The following SCRIB variants were observed in gnomAD, a reference collection of about 807,000 sequenced individuals.
SCRIB encodes scribble planar cell polarity protein.
In SCRIB, 72 loss-of-function variants were observed where a neutral mutation model predicts 170.0. The observed-to-expected ratio is 0.42, with a 90% CI of 0.35 to 0.52. The LOEUF (loss-of-function observed/expected upper bound fraction) is 0.52, where lower values mean the gene tolerates loss of function less well. Ranked by LOEUF, SCRIB falls within the 20% of genes least tolerant of loss-of-function variation. SCRIB has a pLI of 0.02. For missense variants in SCRIB, 2,475 were observed against 2,338.5 expected (o/e 1.06, Z -1.20); for synonymous variants, 1,298 against 1,044.3 (o/e 1.24, Z -4.68).
chr8:143,811,204 G>C lies in SCRIB; in HGVS notation c.1048C>G (p.Leu350Val). The C allele has an allele frequency of 6.2e-7, 1 of 1,611,514 alleles. No individual in the cohort carries two copies. The highest frequency in any genetic ancestry group is 8.5e-7 in the Non-Finnish European group (1 of 1,179,376). The change falls in exon 10 of 37, where the codon CTG (leucine) becomes GTG (valine). Residue 350 changes from leucine to valine, a missense_variant. Leu to Val is a conservative substitution (Grantham distance 32, BLOSUM62 1). Around this residue, in one of 3 missense-constraint regions of SCRIB, gnomAD observed 487 missense variants for 558.1 expected, o/e 0.87. Coordinates refer to ENST00000356994, the MANE Select transcript of SCRIB (RefSeq NM_182706.5). The part of the protein sequence containing the change: ...LSLRDNRLAV[L>V]PPELAHTTEL... Reference sequence around the variant, plus strand: ...GTCGTGTGGGCCAGCTCTGGTGGCAGGACGGCCAGGCGGTTGTCCCTCAAG... The same window carrying C: ...GTCGTGTGGGCCAGCTCTGGTGGCACGACGGCCAGGCGGTTGTCCCTCAAG...
chr8:143,792,786 C>A lies in SCRIB; in HGVS notation c.4099G>T (p.Val1367Leu). ...TTAGGGGGGCCCTCGGCCTGGGGCA[C>A]GCGCACCTCCAGCTCAAAGTACTTC... is the stretch of plus-strand genomic sequence containing the variant. ...RQKYFELEVRVPQAEGPPKRV... is the reference protein window; with the variant it reads ...RQKYFELEVRLPQAEGPPKRV... Residue 1367 changes from valine to leucine, a missense_variant, in exon 30 of 37, where the codon GTG becomes TTG. Transcript: ENST00000356994. The A allele has an allele frequency of 6.3e-7, 1 of 1,579,010 alleles. No individual in the cohort carries two copies. Among genetic ancestry groups the A allele is most frequent in the South Asian group, 1.2e-5 (1 of 86,224 alleles).
rs376855874 is a variant in SCRIB at position 143,804,971 on chromosome 8, C to A, written c.2714G>T (p.Arg905Leu). The A allele has an allele frequency of 6.3e-6, 10 of 1,582,820 alleles. No homozygotes were observed. In the African/African-American group the frequency reaches 6.7e-5, roughly 11 times the overall value. The change falls in exon 20 of 37, where the codon CGC (arginine) becomes CTC (leucine). Residue 905 changes from arginine (R) to leucine (L), a missense_variant. Physicochemically the swap from Arg to Leu is moderately radical, Grantham distance 102 (BLOSUM62 -2). Around this residue, in one of 3 missense-constraint regions of SCRIB, gnomAD observed 1,966 missense variants for 1,742.9 expected, o/e 1.13. Coordinates refer to ENST00000356994, the MANE Select transcript of SCRIB (RefSeq NM_182706.5). ...SRIAEGGAAH[R>L]AGTLQVGDRV... ...GTCGCCAACCTGCAGTGTGCCCGCG[C>A]GGTGAGCAGCACCGCCCTCGGCAAT...
At position 143,793,464 on chromosome 8, in the gene SCRIB, G is replaced by A. The variant is rs1043404496; in HGVS notation, c.3910-381C>T. On this transcript the variant is annotated intron_variant, in intron 28 of 36. Transcript: ENST00000356994. ...GAGAGAGACCGACCAACCTGGGTGG[G>A]GCTGACATCTTGCCTGTGAGGGGCT... 2.4e-5 allele frequency: 7 copies of A among 297,536 alleles called. No individual in the cohort carries two copies. In the Admixed American group the frequency reaches 3.3e-4, roughly 14 times the overall value. The allele number at this position is 297,536 out of a possible 1,614,324, so 18.4% of individuals were successfully genotyped here. A position where few individuals can be genotyped will look rare whatever the true frequency, so the allele number is the denominator to read the frequency against.
chr8:143,803,679 C>A lies in SCRIB; in HGVS notation c.3382G>T (p.Asp1128Tyr). Residue 1128 changes from aspartate to tyrosine, a missense_variant, in exon 23 of 37, where the codon GAC (aspartate) becomes TAC (tyrosine). Coordinates refer to ENST00000356994, the MANE Select transcript of SCRIB (RefSeq NM_182706.5). ...ATGAAGATGCCCTCGTCTGTGGGGT[C>A]GCGGGGGTTGCCAGCGTGGCCCCTG... ...GARGHAGNPR[D>Y]PTDEGIFISK... 1 of 1,574,068 alleles carries A rather than the reference C, an allele frequency of 6.4e-7. No individual in the cohort carries two copies.
At position 143,809,024 on chromosome 8, in the gene SCRIB, G is replaced by A; in HGVS notation, c.1700C>T (p.Pro567Leu). The A allele has an allele frequency of 6.2e-7, 1 of 1,609,024 alleles. No homozygotes were observed. The highest frequency in any genetic ancestry group is 8.5e-7 in the Non-Finnish European group (1 of 1,177,880). ...TGCGTCCTCTGCGAAATGCACCGTG[G>A]GCTGTGCGGACAAAAGGGTGAGGGT... ...EEDAEEDYQE[P>L]TVHFAEDALL... The change falls in exon 15 of 37, where the codon CCC becomes CTC. Residue 567 changes from proline (P) to leucine (L), a missense_variant and splice_region_variant. This residue lies in a region of SCRIB where 1,966 missense variants were observed against 1,742.9 expected (regional missense o/e 1.13). Coordinates refer to ENST00000356994, the MANE Select transcript of SCRIB (RefSeq NM_182706.5).
At position 143,793,888 on chromosome 8, in the gene SCRIB, T is replaced by C; in HGVS notation, c.3909+12A>G. On this transcript the variant is annotated intron_variant, in intron 28 of 36. Transcript: ENST00000356994. ...CCACCATGGGGCACACCCGTTAACT[T>C]GGGACACTCACCTGCTGGCCACTAG... The C allele has an allele frequency of 3.7e-6, 6 of 1,612,750 alleles. No individual in the cohort carries two copies. Among genetic ancestry groups the C allele is most frequent in the Non-Finnish European group, 5.1e-6 (6 of 1,179,308 alleles).
chr8:143,791,241 G>T lies in SCRIB; in HGVS notation c.4890C>A (p.Gly1630=). Residue 1630 remains glycine, a synonymous_variant, in exon 37 of 37, where the codon GGC becomes GGA. Coordinates refer to ENST00000356994, the MANE Select transcript of SCRIB (RefSeq NM_182706.5). The stretch of plus-strand genomic sequence containing the variant: ...TGCTGCACAGTGCCACATCTTCAGG[G>T]CCCACAGCGCCGGGTGAGGGCCTGC... ...LLGRPSPGAV[G]PEDVALCSSR... is the part of the protein sequence containing the mutation. The T allele has an allele frequency of 5.4e-6, 8 of 1,492,196 alleles. No individual in the cohort carries two copies. Among genetic ancestry groups the T allele is most frequent in the Non-Finnish European group, 6.2e-6 (7 of 1,120,188 alleles). The allele number at this position is 1,492,196 out of a possible 1,614,324, so 92.4% of individuals were successfully genotyped here. A position where few individuals can be genotyped will look rare whatever the true frequency, so the allele number is the denominator to read the frequency against.
intron 1 of SCRIB, 99 bp from the exon 2 acceptor site, chr8:143,814,217 C>T (rs376401130): frequency 1.0e-6 from 1 of 985,194 alleles, no homozygotes; most frequent in Non-Finnish European, 1.5e-6. Flanking sequence ...GTCCCTAGGC[C>T]TCTGTCTGCT....
Position 143,815,584 on chromosome 8 carries a change from C to A in SCRIB, c.-212G>T. ...TGCGGGCCTGGGCAGGGGGCGCGGC[C>A]CGGCGGGTCTCAGACTCTTAGGAAG... On this transcript the variant is annotated 5_prime_UTR_variant, in exon 1 of 37. Transcript: ENST00000356994. 1 of 981,828 alleles carries A rather than the reference C, an allele frequency of 1.0e-6. No homozygotes were observed. The highest frequency in any genetic ancestry group is 1.2e-6 in the Non-Finnish European group (1 of 828,452). The allele number at this position is 981,828 out of a possible 1,614,324, so 60.8% of individuals were successfully genotyped here. A position where few individuals can be genotyped will look rare whatever the true frequency, so the allele number is the denominator to read the frequency against.
Position 143,804,527 on chromosome 8 carries a change from C to G in SCRIB, c.3009+41G>C, listed in dbSNP as rs1302740855. ...GTCCTGGGAAGGCCAGTGCCCACAGCTGAAGCTGGGTGGGTGCCTGGGTGG... is the reference window on the plus strand; with the variant it reads ...GTCCTGGGAAGGCCAGTGCCCACAGGTGAAGCTGGGTGGGTGCCTGGGTGG... On this transcript the variant is annotated intron_variant, in intron 21 of 36. Coordinates refer to ENST00000356994, the MANE Select transcript of SCRIB (RefSeq NM_182706.5). 7 of 1,482,940 alleles carry G rather than the reference C, an allele frequency of 4.7e-6. No individual in the cohort carries two copies. The African/African-American group carries it at 9.8e-5, about 21-fold the overall frequency. The allele number at this position is 1,482,940 out of a possible 1,614,324, so 91.9% of individuals were successfully genotyped here.
In SCRIB at chr8:143,794,901, CA is replaced by C. The variant is rs1188453042; in HGVS notation, c.3846+136del. 4.0e-5 allele frequency: 29 copies of C among 731,646 alleles called. No individual in the cohort carries two copies. In the Admixed American group the frequency reaches 6.4e-4, roughly 16 times the overall value. 45.3% of individuals were successfully genotyped at this position (731,646 alleles called of 1,614,324 possible). ...GCATGTGCCAGGCTGGGGTAGCCTG[CA>C]GGTCAGACGTGGCCTCCTCCCACCC... On this transcript the variant is annotated intron_variant, in intron 27 of 36. Coordinates refer to ENST00000356994, the MANE Select transcript of SCRIB (RefSeq NM_182706.5).
chr8:143,810,844 G>C (rs1042118429), intron 11 of SCRIB, 28 bp from the exon 12 acceptor site: 11 of 1,605,052 alleles, frequency 6.9e-6, no homozygotes, highest in Middle Eastern at 3.3e-4. Flanking sequence ...CAGGACCCAG[G>C]CTAGTCCCCA....
chr8:143,812,550 C>T (rs1815790620), intron 8 of SCRIB, among the ~76,000 whole-genome samples, 166 bp from the exon 9 acceptor site: 1 of 152,082 alleles, frequency 6.6e-6, no homozygotes, highest in Non-Finnish European at 1.5e-5. Flanking sequence ...CCTGACCCAA[C>T]CTCCTTCAAG....
rs1457824542 is a variant in SCRIB at position 143,804,984 on chromosome 8, C to T, written c.2701G>A (p.Gly901Ser). 2.5e-6 allele frequency: 4 copies of T among 1,585,498 alleles called. No individual in the cohort carries two copies. Among genetic ancestry groups the T allele is most frequent in the South Asian group, 2.3e-5 (2 of 87,556 alleles). ...GIFVSRIAEGGAAHRAGTLQV... is the reference protein window; with the variant it reads ...GIFVSRIAEGSAAHRAGTLQV... Reference sequence around the variant, plus strand: ...AGTGTGCCCGCGCGGTGAGCAGCACCGCCCTCGGCAATGCGGGAGACGAAG... The same window carrying T: ...AGTGTGCCCGCGCGGTGAGCAGCACTGCCCTCGGCAATGCGGGAGACGAAG... Residue 901 changes from glycine to serine, a missense_variant, in exon 20 of 37, where the codon GGT becomes AGT. Coordinates refer to ENST00000356994, the MANE Select transcript of SCRIB (RefSeq NM_182706.5).
chr8:143,792,073 T>C lies in SCRIB; in HGVS notation c.4575A>G (p.Glu1525=), dbSNP rs1243872504. ...RAQMVLSRSQ[E]GRGTRGPLER... The stretch of plus-strand genomic sequence containing the variant: ...CCAGGGGCCCCCGCGTGCCCCGGCC[T>C]TCCTGGGACCTGCTGAGGACCATCT... The change falls in exon 33 of 37, where the codon GAA becomes GAG. Residue 1525 remains glutamate, a synonymous_variant. Transcript: ENST00000356994. 6.3e-7 allele frequency: 1 copy of C among 1,595,536 alleles called. No homozygotes were observed. The highest frequency in any genetic ancestry group is 8.5e-7 in the Non-Finnish European group (1 of 1,176,606).
Position 143,815,369 on chromosome 8 carries a change from G to A in SCRIB, c.4C>T (p.Leu2Phe), listed in dbSNP as rs1343627835. The A allele has an allele frequency of 2.7e-6, 4 of 1,455,824 alleles. No homozygotes were observed. 90.2% of individuals were successfully genotyped at this position (1,455,824 alleles called of 1,614,324 possible). The change falls in exon 1 of 37, where the codon CTC becomes TTC. Residue 2 changes from leucine to phenylalanine, a missense_variant. Coordinates refer to ENST00000356994, the MANE Select transcript of SCRIB (RefSeq NM_182706.5). ...CAGCGCCACAGCGGGATGCACTTGAGCATGGTGCGGGTGGGCGGCGCGGGC... is the reference window on the plus strand; with the variant it reads ...CAGCGCCACAGCGGGATGCACTTGAACATGGTGCGGGTGGGCGGCGCGGGC... MLKCIPLWRCNR... is the reference protein window; with the variant it reads MFKCIPLWRCNR...
Position 143,794,452 on chromosome 8 carries a change from C to T in SCRIB, c.3847-490G>A, listed in dbSNP as rs1486232997. Among the ~76,000 whole-genome samples, 8 of 152,188 alleles carry T rather than the reference C, an allele frequency of 5.3e-5. No individual in the cohort carries two copies. In the South Asian group the frequency reaches 1.0e-3, roughly 20 times the overall value. ...GGCAGGGTCAGTACCCAAGAGCCCC[C>T]GAATGCGCTGCCTCAGATCCAGGCC... On this transcript the variant is annotated intron_variant, in intron 27 of 36. Coordinates refer to ENST00000356994, the MANE Select transcript of SCRIB (RefSeq NM_182706.5).
chr8:143,806,489 G>A lies in SCRIB; in HGVS notation c.2269-5C>T, dbSNP rs782078942. 44 of 1,588,492 alleles carry A rather than the reference G, an allele frequency of 2.8e-5. No homozygotes were observed. The highest frequency in any genetic ancestry group is 6.7e-5 in the African/African-American group (5 of 74,276). On this transcript the variant is annotated splice_polypyrimidine_tract_variant and splice_region_variant and intron_variant, in intron 17 of 36. Transcript: ENST00000356994. ...CACCCGAGAGATGAATATGCCCTAGGGCACAGACACGAGCTTGGCAGGGGC... is the reference window on the plus strand; with the variant it reads ...CACCCGAGAGATGAATATGCCCTAGAGCACAGACACGAGCTTGGCAGGGGC...
rs1815700281 is a variant in SCRIB at position 143,811,184 on chromosome 8, G to A, written c.1068C>T (p.His356=). 2 of 1,610,918 alleles carry A rather than the reference G, an allele frequency of 1.2e-6. No individual in the cohort carries two copies. Among genetic ancestry groups the A allele is most frequent in the Non-Finnish European group, 8.5e-7 (1 of 1,179,124 alleles). Residue 356 remains histidine, a synonymous_variant, in exon 10 of 37, where the codon CAC becomes CAT. Coordinates refer to ENST00000356994, the MANE Select transcript of SCRIB (RefSeq NM_182706.5). The stretch of plus-strand genomic sequence containing the variant: ...CGTCCAGCACGTGCAGCTCTGTCGT[G>A]TGGGCCAGCTCTGGTGGCAGGACGG... ...RLAVLPPELA[H]TTELHVLDVA...
Sources: gnomAD v4.1 joint callset for allele counts (sites outside exome capture counted in the v4.1 genomes callset) on GRCh38, gnomAD v4.1.1 for gene constraint, gnomAD v4.1.1 regional missense constraint, MANE v1.5 for transcripts, NCBI Gene and HGNC (gene_info 2026-07-23, HGNC 2026-07-21) for gene names.